The following SLC9D1 variants were observed in gnomAD, a reference collection of about 807,000 sequenced individuals.
The protein encoded by SLC9D1 is solute carrier family 9 member D1, also known as putative LAG1-interacting protein.
At chr13:113,546,087 G>C in the SLC9D1 span, among the ~76,000 whole-genome samples, 1 of 152,142 alleles carries the variant, frequency 6.6e-6, no homozygotes, top group African/African-American at 2.4e-5. This position sits in a 1 kb window ranked among gnomAD's most constrained non-coding sequence, Gnocchi z 7.1. Flanking sequence ...CCTTTGGGGA[G>C]AGGTGGGAGC....
chr13:113,517,306 C>T, the SLC9D1 span, among the ~76,000 whole-genome samples: 4 of 152,136 alleles, frequency 2.6e-5, no homozygotes, highest in Admixed American at 1.3e-4. Context: ...AATTTCAGCT[C>T]ACTGCAAGTT....
At chr13:113,539,786 A>G in the SLC9D1 span, among the ~76,000 whole-genome samples, 17 of 152,090 alleles carry the variant, frequency 1.1e-4, no homozygotes, top group South Asian at 2.1e-4. This position sits in a 1 kb window ranked among gnomAD's most constrained non-coding sequence, Gnocchi z 4.8. Context: ...TGAGTGTCAC[A>G]GGGCTTTGGT....
chr13:113,547,266 T>C, the SLC9D1 span: 6 of 1,557,942 alleles, frequency 3.9e-6, no homozygotes, highest in South Asian at 3.3e-5. Flanking sequence ...GAGGCTGTCC[T>C]GCGGTCGTAA....
At chr13:113,508,469 C>T in the SLC9D1 span, among the ~76,000 whole-genome samples, 3 of 152,212 alleles carry the variant, frequency 2.0e-5, no homozygotes, top group Non-Finnish European at 4.4e-5. Flanking sequence ...GTGAGACGCG[C>T]TCTGTGATAA....
chr13:113,539,383 G>A, the SLC9D1 span: 1 of 1,613,304 alleles, frequency 6.2e-7, no homozygotes, highest in South Asian at 1.1e-5. The surrounding 1 kb of genome is among the most constrained non-coding windows in gnomAD (Gnocchi z 4.8). Flanking sequence ...ACGTCTCCAT[G>A]GAGCTGGGCT....
the SLC9D1 span, chr13:113,496,073 G>A: frequency 7.8e-7 from 1 of 1,287,742 alleles, no homozygotes; most frequent in South Asian, 1.3e-5. Context: ...GGAGAGAGAG[G>A]TGAAGAGAGA....
the SLC9D1 span, among the ~76,000 whole-genome samples, chr13:113,540,074 T>C: frequency 1.3e-5 from 2 of 152,216 alleles, no homozygotes; most frequent in African/African-American, 2.4e-5. Context: ...TTGCGTAACA[T>C]TCCCTGATGT....
At chr13:113,492,291 G>A in the SLC9D1 span, among the ~76,000 whole-genome samples, 1 of 152,198 alleles carries the variant, frequency 6.6e-6, no homozygotes, top group Non-Finnish European at 1.5e-5. Flanking sequence ...ATTAACCACC[G>A]CACCTGGTCT....
At chr13:113,542,944 C>T in the SLC9D1 span, among the ~76,000 whole-genome samples, 1 of 152,018 alleles carries the variant, frequency 6.6e-6, no homozygotes, top group African/African-American at 2.4e-5. Context: ...GCTTCGTGAC[C>T]TCCTGACCCC....
chr13:113,498,611 T>C, the SLC9D1 span: 2 of 1,042,540 alleles, frequency 1.9e-6, no homozygotes, highest in African/African-American at 1.7e-5. Flanking sequence ...TGTATGTTTT[T>C]AATGTAGATT....
the SLC9D1 span, among the ~76,000 whole-genome samples, chr13:113,546,378 C>T: frequency 2.0e-5 from 3 of 151,174 alleles, no homozygotes; most frequent in South Asian, 2.1e-4. The surrounding 1 kb of genome is among the most constrained non-coding windows in gnomAD (Gnocchi z 7.1). Flanking sequence ...TAGGAGGGGC[C>T]GTGGGGAGCA....
the SLC9D1 span, among the ~76,000 whole-genome samples, chr13:113,517,724 C>T: frequency 5.2e-4 from 79 of 152,222 alleles, 1 homozygote; most frequent in African/African-American, 1.8e-3. Context: ...CTCAGTGTTG[C>T]CTCCAGATCT....
the SLC9D1 span, among the ~76,000 whole-genome samples, chr13:113,545,392 G>T: frequency 3.9e-5 from 6 of 152,234 alleles, no homozygotes; most frequent in African/African-American, 1.4e-4. Flanking sequence ...TAGTTTCTCA[G>T]TGCTACACCA....
the SLC9D1 span, chr13:113,520,534 G>A: frequency 2.4e-6 from 2 of 832,070 alleles, no homozygotes; most frequent in African/African-American, 1.8e-5. Context: ...AGTTATTTTG[G>A]AAGTGTGTAC....
the SLC9D1 span, chr13:113,510,176 G>A: frequency 6.9e-7 from 1 of 1,446,366 alleles, no homozygotes; most frequent in Admixed American, 1.7e-5. Flanking sequence ...CGTGAAGTCT[G>A]TGTGGTGTGG....
the SLC9D1 span, among the ~76,000 whole-genome samples, chr13:113,501,522 G>A: frequency 1.3e-5 from 2 of 152,158 alleles, no homozygotes; most frequent in African/African-American, 4.8e-5. Context: ...AGGGGTGACT[G>A]TAATCTTTAG....
chr13:113,517,438 C>CA, the SLC9D1 span, among the ~76,000 whole-genome samples: 2 of 152,084 alleles, frequency 1.3e-5, no homozygotes, highest in African/African-American at 2.4e-5. Flanking sequence ...CCGTGTTAGC[C>CA]AGGATGGTCT....
At chr13:113,505,310 A>G in the SLC9D1 span, 2 of 152,354 alleles carry the variant, frequency 1.3e-5, no homozygotes, top group East Asian at 1.9e-4. Flanking sequence ...CTTAAAATGT[A>G]CATATGCCTT....
the SLC9D1 span, chr13:113,510,104 T>C: frequency 2.6e-6 from 2 of 767,622 alleles, no homozygotes; most frequent in Non-Finnish European, 2.2e-6. Context: ...CATGTTCAGA[T>C]GGTGACCCCA....
Sources: gnomAD v4.1 joint callset for allele counts (sites outside exome capture counted in the v4.1 genomes callset) on GRCh38, gnomAD v4.1.1 for gene constraint, Gnocchi (gnomAD v3.1) non-coding constraint, MANE v1.5 for transcripts, NCBI Gene and HGNC (gene_info 2026-07-23, HGNC 2026-07-21) for gene names.